Variants in ASTN1 observed in about 807,000 individuals in gnomAD.
ASTN1 encodes the protein astrotactin 1.
A neutral mutation model predicts 140.7 loss-of-function variants in ASTN1; 41 were observed. The ratio of observed to expected loss-of-function variants is 0.29; its 90% confidence interval spans 0.23 to 0.38. ASTN1 has a LOEUF of 0.38. ASTN1 is among the 10% of genes least tolerant of loss of function. ASTN1 has a pLI of 1.00. For synonymous variants in ASTN1, 640 were observed against 652.2 expected (o/e 0.98, Z 0.29); for missense variants, 1,479 against 1,678.8 (o/e 0.88, Z 2.08).
Position 176,893,868 on chromosome 1 carries a change from T to C in ASTN1, c.2940+694A>G, listed in dbSNP as rs79122691. 6.7e-3 allele frequency among the ~76,000 whole-genome samples: 1,023 copies of C among 152,358 alleles called. 11 individuals are homozygous for C. The highest frequency in any genetic ancestry group is 0.023 in the African/African-American group (946 of 41,582). ...GACGTTGGAGAGCTAGGAAAGGGGC[T>C]GAGCTATGGCTTCTGACACAGTTCT... On this transcript the variant is annotated intron_variant, in intron 17 of 22. Transcript: ENST00000361833.
chr1:177,151,866 T>G (rs1055625178), intron 1 of ASTN1, among the ~76,000 whole-genome samples: 1 of 151,954 alleles, frequency 6.6e-6, no homozygotes, highest in Non-Finnish European at 1.5e-5. Flanking sequence ...GAAGCAGCAG[T>G]GGAGAGAAAA....
chr1:176,904,780 C>T (rs1018680585), intron 16 of ASTN1, among the ~76,000 whole-genome samples: 1 of 152,152 alleles, frequency 6.6e-6, no homozygotes, highest in Non-Finnish European at 1.5e-5. Context: ...AGGAATAGCC[C>T]AGGACACGGC....
intron 8 of ASTN1, among the ~76,000 whole-genome samples, chr1:177,007,257 A>G (rs934185823): frequency 6.6e-6 from 1 of 152,108 alleles, no homozygotes; most frequent in African/African-American, 2.4e-5. Context: ...GCCGGGCGTG[A>G]TGGCACATGC....
chr1:177,005,827 C>T (rs1382649037), intron 8 of ASTN1, among the ~76,000 whole-genome samples: 1 of 152,020 alleles, frequency 6.6e-6, no homozygotes, highest in Non-Finnish European at 1.5e-5. Flanking sequence ...CAGGCTAGTC[C>T]CAAACTCCTG....
chr1:177,082,617 C>A (rs541944788), intron 1 of ASTN1, among the ~76,000 whole-genome samples: 2 of 152,170 alleles, frequency 1.3e-5, no homozygotes, highest in Non-Finnish European at 2.9e-5. Context: ...TGTGGCCCTT[C>A]GCATGCCTTC....
intron 16 of ASTN1, among the ~76,000 whole-genome samples, chr1:176,924,707 T>C (rs1670881276): frequency 6.6e-6 from 1 of 152,190 alleles, no homozygotes; most frequent in Non-Finnish European, 1.5e-5. Flanking sequence ...AGTTTACATA[T>C]CTGGAGTAGT....
rs1209525231 is a variant in ASTN1, at chr1:177,002,406, CACACACACACAT to C, written c.1523+12373_1523+12384del. Among the ~76,000 whole-genome samples the C allele has an allele frequency of 8.7e-4, 116 of 133,648 alleles. No individual in the cohort carries two copies. The Middle Eastern group carries it at 0.021, about 25-fold the overall frequency. 87.7% of individuals were successfully genotyped at this position (133,648 alleles called of 152,430 possible). On this transcript the variant is annotated intron_variant, in intron 8 of 22. Transcript: ENST00000361833. Reference sequence around the variant, plus strand: ...ACACACACACACACACACACACACACACACACACACATGAACAAATCAAGAGACAGAACAATA... The same window carrying C: ...ACACACACACACACACACACACACACGAACAAATCAAGAGACAGAACAATA...
At chr1:177,005,471 T>C (rs749118717) in intron 8 of ASTN1, among the ~76,000 whole-genome samples, 5 of 152,158 alleles carry the variant, frequency 3.3e-5, no homozygotes, top group Admixed American at 2.0e-4. Flanking sequence ...AATCCCACTA[T>C]TGGGTATCTA....
chr1:176,948,234 C>T (rs984235972), intron 12 of ASTN1, among the ~76,000 whole-genome samples: 9 of 149,684 alleles, frequency 6.0e-5, no homozygotes, highest in Non-Finnish European at 1.0e-4. Flanking sequence ...GCTCAGTGGT[C>T]GGCACAGTTT....
chr1:177,140,168 A>T (rs905227042), intron 1 of ASTN1, among the ~76,000 whole-genome samples: 6 of 152,218 alleles, frequency 3.9e-5, no homozygotes, highest in Non-Finnish European at 8.8e-5. Context: ...TGCTACAGGA[A>T]GTCAAATGCA....
At chr1:176,974,260 G>A (rs1174453222) in intron 8 of ASTN1, among the ~76,000 whole-genome samples, 1 of 152,080 alleles carries the variant, frequency 6.6e-6, no homozygotes, top group African/African-American at 2.4e-5. Flanking sequence ...CAACTGCATA[G>A]GGTTGAATAC....
intron 1 of ASTN1, among the ~76,000 whole-genome samples, chr1:177,100,394 T>A (rs1023437349): frequency 2.0e-5 from 3 of 152,114 alleles, no homozygotes; most frequent in African/African-American, 7.2e-5. Context: ...CAGCTCCTAG[T>A]CATACATTTC....
intron 1 of ASTN1, among the ~76,000 whole-genome samples, chr1:177,083,803 T>C (rs2861915): frequency 0.45 from 69,127 of 151,962 alleles, 17,167 homozygotes; most frequent in Non-Finnish European, 0.57. Flanking sequence ...ATAGATTAAA[T>C]ATAGAACTGC....
At chr1:177,161,535 T>TACCACCTA (rs1647370351) in intron 1 of ASTN1, among the ~76,000 whole-genome samples, 2 of 152,210 alleles carry the variant, frequency 1.3e-5, no homozygotes, top group Non-Finnish European at 2.9e-5. Flanking sequence ...GAAGAATGGA[T>TACCACCTA]ACCACCTAAT....
At chr1:177,151,561 G>T (rs1249002857) in intron 1 of ASTN1, among the ~76,000 whole-genome samples, 1 of 152,112 alleles carries the variant, frequency 6.6e-6, no homozygotes, top group Non-Finnish European at 1.5e-5. Flanking sequence ...GAGCAACAAG[G>T]TGGAAGAATC....
chr1:176,940,301 A>G (rs1167582774), intron 14 of ASTN1, among the ~76,000 whole-genome samples: 1 of 152,218 alleles, frequency 6.6e-6, no homozygotes, highest in Non-Finnish European at 1.5e-5. Context: ...TCAGACTTAT[A>G]GGAAGTCAGA....
intron 1 of ASTN1, among the ~76,000 whole-genome samples, chr1:177,149,391 T>C (rs1480196798): frequency 1.3e-5 from 1 of 77,922 alleles, no homozygotes; most frequent in Non-Finnish European, 2.0e-5. Context: ...TAAATATATA[T>C]AGTATATATA....
In ASTN1 at chr1:177,088,983, G is replaced by T. The variant is rs562183750; in HGVS notation, c.284-27718C>A. 4.1e-4 allele frequency among the ~76,000 whole-genome samples: 62 copies of T among 152,222 alleles called. 1 individual carries two copies. The highest frequency in any genetic ancestry group is 3.4e-3 in the Middle Eastern group (1 of 294). ...TTCACCTGGCTCGGGGGCAGGGAAAGTCATATCCCTACTCGTATTTCTCCT... is the reference window on the plus strand; with the variant it reads ...TTCACCTGGCTCGGGGGCAGGGAAATTCATATCCCTACTCGTATTTCTCCT... On this transcript the variant is annotated intron_variant, in intron 1 of 22. Coordinates refer to ENST00000361833, the MANE Select transcript of ASTN1 (RefSeq NM_004319.3).
chr1:176,988,329 A>C (rs892433118), intron 8 of ASTN1, among the ~76,000 whole-genome samples: 7 of 151,726 alleles, frequency 4.6e-5, no homozygotes, highest in Admixed American at 3.3e-4. Flanking sequence ...AAAAAAAAAA[A>C]AAAACCTTTC....
Sources: allele counts gnomAD v4.1 joint callset (sites outside exome capture counted in the v4.1 genomes callset), GRCh38; gene constraint gnomAD v4.1.1; transcripts MANE v1.5; gene names NCBI Gene and HGNC (gene_info 2026-07-23, HGNC 2026-07-21).